RANBP17: variants seen among roughly 807,000 people sequenced by gnomAD.
RANBP17 encodes the protein RAN binding protein 17.
Under a neutral mutation model 141.2 loss-of-function variants are expected in RANBP17, and 158 were observed. That is an observed-to-expected ratio of 1.12 (90% CI 0.98 to 1.28). The LOEUF (loss-of-function observed/expected upper bound fraction) is 1.28, where lower values mean the gene tolerates loss of function less well. Ranked by LOEUF, RANBP17 falls within the 50% of genes most tolerant of loss-of-function variation. The pLI, the probability that RANBP17 is intolerant of heterozygous loss-of-function variation, is 0.00. For missense variants in RANBP17, 1,438 were observed against 1,290.7 expected, an observed-to-expected ratio of 1.11 and a Z score of -1.75; for synonymous variants, 430 against 450.0, an observed-to-expected ratio of 0.96 and a Z score of 0.56.
intron 21 of RANBP17, among the ~76,000 whole-genome samples, chr5:171,214,353 C>G (rs1055568515): frequency 6.6e-6 from 1 of 152,142 alleles, no homozygotes; most frequent in Non-Finnish European, 1.5e-5. Flanking sequence ...GGCAGAAATT[C>G]AAATATTCTC....
chr5:171,123,642 G>A (rs569122052), intron 14 of RANBP17, among the ~76,000 whole-genome samples: 5 of 152,318 alleles, frequency 3.3e-5, no homozygotes, highest in East Asian at 1.9e-4. Flanking sequence ...AAGGACTGGC[G>A]AACATGGCCT....
chr5:171,062,255 T>C (rs1046811646), intron 14 of RANBP17, among the ~76,000 whole-genome samples: 1 of 152,210 alleles, frequency 6.6e-6, no homozygotes, highest in African/African-American at 2.4e-5. Context: ...TTCCTAGCCT[T>C]GATGGTCTTT....
chr5:171,289,176 A>G (rs1046552642), intron 25 of RANBP17, among the ~76,000 whole-genome samples: 1 of 152,168 alleles, frequency 6.6e-6, no homozygotes, highest in Non-Finnish European at 1.5e-5. Context: ...GGGATACAGT[A>G]CCACAGGAGT....
intron 14 of RANBP17, among the ~76,000 whole-genome samples, chr5:171,120,996 C>T (rs997800086): frequency 1.3e-5 from 2 of 152,168 alleles, no homozygotes; most frequent in Admixed American, 1.3e-4. Context: ...GCTTCTTTAG[C>T]TGTAATCCAC....
intron 7 of RANBP17, chr5:170,911,460 G>A (rs1771519162): frequency 4.6e-6 from 3 of 657,072 alleles, no homozygotes; most frequent in East Asian, 2.9e-5. Context: ...ATCCCACTCT[G>A]TTTATGATCA....
At chr5:171,020,653 T>G (rs2127601756) in intron 14 of RANBP17, among the ~76,000 whole-genome samples, 1 of 152,242 alleles carries the variant, frequency 6.6e-6, no homozygotes, top group East Asian at 1.9e-4. Flanking sequence ...CCCTTTATCT[T>G]GAGCCTATGT....
intron 3 of RANBP17, among the ~76,000 whole-genome samples, chr5:170,885,380 A>C (rs1769056943): frequency 6.6e-6 from 1 of 152,156 alleles, no homozygotes; most frequent in Admixed American, 6.6e-5. Context: ...TTGGCATAGG[A>C]GATAGTGACT....
At chr5:171,153,193 A>G (rs1233118961) in intron 14 of RANBP17, among the ~76,000 whole-genome samples, 1 of 152,142 alleles carries the variant, frequency 6.6e-6, no homozygotes, top group Non-Finnish European at 1.5e-5. Flanking sequence ...GAAGGAGAGA[A>G]ATTTTATTCT....
rs1561889548 is a variant in RANBP17 at position 170,918,834 on chromosome 5, C to G, written c.1076C>G (p.Ala359Gly). ...TATCCTGAAGTTATTAGATTGATTG[C>G]TAATTTTACCATTACTAGCCTACAG... The part of the protein sequence containing the change: ...KEYPEVIRLI[A>G]NFTITSLQHW... Residue 359 changes from alanine to glycine, a missense_variant, in exon 10 of 28, where the codon GCT becomes GGT. Transcript: ENST00000523189. 6.3e-7 allele frequency: 1 copy of G among 1,580,156 alleles called. No individual in the cohort carries two copies. Among genetic ancestry groups the G allele is most frequent in the Non-Finnish European group, 8.6e-7 (1 of 1,160,850 alleles).
intron 19 of RANBP17, among the ~76,000 whole-genome samples, chr5:171,204,578 T>C (rs552320680): frequency 6.6e-6 from 1 of 152,310 alleles, no homozygotes; most frequent in East Asian, 1.9e-4. Context: ...ATCTCAATTA[T>C]CGCACCCCCT....
Position 171,241,077 on chromosome 5 carries a change from C to T in RANBP17, c.2572C>T (p.His858Tyr), listed in dbSNP as rs765787651. Residue 858 changes from histidine to tyrosine, a missense_variant, in exon 23 of 28, where the codon CAT (histidine) becomes TAT (tyrosine). Coordinates refer to ENST00000523189, the MANE Select transcript of RANBP17 (RefSeq NM_022897.5). ...CGTCTTCAAGTTGTATGGGGACAAC[C>T]ATTTTGACAATGTACTCCAGGCTTT... ...FGVFKLYGDNHFDNVLQAFVK... is the reference protein window; with the variant it reads ...FGVFKLYGDNYFDNVLQAFVK... 1.2e-6 allele frequency: 2 copies of T among 1,613,844 alleles called. No homozygotes were observed. The highest frequency in any genetic ancestry group is 1.7e-6 in the Non-Finnish European group (2 of 1,179,894).
intron 14 of RANBP17, among the ~76,000 whole-genome samples, chr5:171,125,682 T>C (rs1756399008): frequency 6.6e-6 from 1 of 152,204 alleles, no homozygotes; most frequent in Admixed American, 6.5e-5. Context: ...TAACAGACAT[T>C]TACAGAACAT....
At position 170,881,993 on chromosome 5, in the gene RANBP17, CTG is replaced by C. The variant is rs571291178; in HGVS notation, c.256+99_256+100del. ...TACTAGGATTGCAAATTTTTTATGT[CTG>C]TCATTTTTAAAAACATGAGTATCAA... On this transcript the variant is annotated intron_variant, in intron 3 of 27. Transcript: ENST00000523189. 45 of 680,756 alleles carry C rather than the reference CTG, an allele frequency of 6.6e-5. No individual in the cohort carries two copies. The Admixed American group carries it at 8.6e-4, about 13-fold the overall frequency. 42.2% of individuals were successfully genotyped at this position (680,756 alleles called of 1,614,324 possible).
intron 22 of RANBP17, among the ~76,000 whole-genome samples, chr5:171,230,676 T>C (rs1018058821): frequency 8.6e-5 from 13 of 152,042 alleles, no homozygotes; most frequent in African/African-American, 3.1e-4. Context: ...GCAGGAGAAT[T>C]GCTTGAACCT....
intron 12 of RANBP17, among the ~76,000 whole-genome samples, chr5:170,948,085 G>A (rs1481376811): frequency 6.6e-6 from 1 of 152,134 alleles, no homozygotes; most frequent in Non-Finnish European, 1.5e-5. Flanking sequence ...GGTCTGAGAA[G>A]GTGACATCAA....
rs73801183 is a variant in RANBP17, at chr5:171,265,642, T to C, written c.2777-39T>C. 10,727 of 1,496,024 alleles carry C rather than the reference T, an allele frequency of 7.2e-3. 424 individuals are homozygous for C. In the African/African-American group the frequency reaches 0.1, roughly 14 times the overall value. The allele number at this position is 1,496,024 out of a possible 1,614,324, so 92.7% of individuals were successfully genotyped here. ...TAGAAAATCAAATGGAGCAAAAACT[T>C]AAGTAATGCAAATGAATTCTTATTT... is the stretch of plus-strand genomic sequence containing the variant. On this transcript the variant is annotated intron_variant, in intron 24 of 27. Coordinates refer to ENST00000523189, the MANE Select transcript of RANBP17 (RefSeq NM_022897.5).
chr5:171,060,383 A>G (rs1208880967), intron 14 of RANBP17, among the ~76,000 whole-genome samples: 2 of 151,862 alleles, frequency 1.3e-5, no homozygotes, highest in East Asian at 3.9e-4. Context: ...AAGGTGTTGA[A>G]TTTTGTCAAA....
At chr5:171,016,417 A>G (rs1780438270) in intron 14 of RANBP17, among the ~76,000 whole-genome samples, 1 of 152,002 alleles carries the variant, frequency 6.6e-6, no homozygotes, top group African/African-American at 2.4e-5. Context: ...TGTAATCTGT[A>G]GTTTGCTGAC....
intron 3 of RANBP17, among the ~76,000 whole-genome samples, chr5:170,890,285 A>G (rs1769489795): frequency 6.6e-6 from 1 of 152,184 alleles, no homozygotes; most frequent in South Asian, 2.1e-4. Flanking sequence ...TCATCTTCTT[A>G]TGTTTTGTTA....
Sources: gnomAD v4.1 joint callset for allele counts (sites outside exome capture counted in the v4.1 genomes callset) on GRCh38, gnomAD v4.1.1 for gene constraint, MANE v1.5 for transcripts, NCBI Gene and HGNC (gene_info 2026-07-23, HGNC 2026-07-21) for gene names.